Variants in DAGLB observed in about 807,000 individuals in gnomAD.
DAGLB encodes diacylglycerol lipase beta.
A neutral mutation model predicts 72.1 loss-of-function variants in DAGLB; 66 were observed. The observed-to-expected ratio is 0.92, with a 90% CI of 0.75 to 1.12. The LOEUF (loss-of-function observed/expected upper bound fraction) is 1.12, where lower values mean the gene tolerates loss of function less well. Ranked by LOEUF, DAGLB falls within the 50% of genes most tolerant of loss-of-function variation. The probability of loss-of-function intolerance (pLI) is 0.00; values close to 1 mark genes in which losing one functional copy is unlikely to be tolerated. For synonymous variants in DAGLB, 414 were observed against 359.5 expected (o/e 1.15, Z -1.71); for missense variants, 1,065 against 884.9 (o/e 1.20, Z -2.58).
chr7:6,422,188 C>T (rs1784150330), intron 8 of DAGLB: 3 of 357,882 alleles, frequency 8.4e-6, no homozygotes, highest in South Asian at 4.2e-5. Context: ...AGGAGGAGGC[C>T]TAGACTAGCA....
At chr7:6,415,308 T>C (rs1458049774) in intron 11 of DAGLB, among the ~76,000 whole-genome samples, 1 of 152,012 alleles carries the variant, frequency 6.6e-6, no homozygotes, top group East Asian at 1.9e-4. Flanking sequence ...ACTTATACAT[T>C]CTCCTGTTTT....
At chr7:6,411,474 T>C (rs929404590) in intron 13 of DAGLB, among the ~76,000 whole-genome samples, 2 of 152,102 alleles carry the variant, frequency 1.3e-5, no homozygotes, top group Non-Finnish European at 2.9e-5. Context: ...ATACAAAAAT[T>C]AGCCAGGTGT....
intron 5 of DAGLB, among the ~76,000 whole-genome samples, chr7:6,431,913 A>AG (rs1784498656): frequency 6.6e-6 from 1 of 152,152 alleles, no homozygotes; most frequent in African/African-American, 2.4e-5. Flanking sequence ...TCAGATTCCA[A>AG]CCCTGCTGCT....
intron 4 of DAGLB, among the ~76,000 whole-genome samples, chr7:6,433,258 G>A (rs1447030553): frequency 6.6e-6 from 1 of 152,146 alleles, no homozygotes; most frequent in Non-Finnish European, 1.5e-5. Flanking sequence ...TTTGTAAAGT[G>A]GAGAAATCAA....
In DAGLB at chr7:6,410,120, C is replaced by CCACA; in HGVS notation, c.1820+9_1820+10insTGTG. ...CTGCCTGCCCACCACACCCACCACG[C>CCACA]CGCACTCACCGCCCCGAGGCGCCCT... On this transcript the variant is annotated intron_variant, in intron 14 of 14. Transcript: ENST00000297056. 6.4e-7 allele frequency: 1 copy of CCACA among 1,574,326 alleles called. No homozygotes were observed.
At chr7:6,423,111 G>T (rs1215351823) in intron 8 of DAGLB, among the ~76,000 whole-genome samples, 1 of 152,144 alleles carries the variant, frequency 6.6e-6, no homozygotes, top group Non-Finnish European at 1.5e-5. Flanking sequence ...AATTAGCTGG[G>T]TGTAGTGGCA....
chr7:6,410,878 GTATTTTTT>G (rs1783700711), intron 13 of DAGLB, among the ~76,000 whole-genome samples: 1 of 112,770 alleles, frequency 8.9e-6, no homozygotes, highest in African/African-American at 3.6e-5. Flanking sequence ...CTAATTTTTT[GTATTTTTT>G]TTTTTTTTTT....
At chr7:6,442,050 T>C (rs1052722736) in intron 2 of DAGLB, among the ~76,000 whole-genome samples, 5 of 152,060 alleles carry the variant, frequency 3.3e-5, no homozygotes, top group African/African-American at 1.2e-4. Flanking sequence ...TAAATGGCTT[T>C]TGGATCCTTC....
At position 6,416,720 on chromosome 7, in the gene DAGLB, C is replaced by G; in HGVS notation, c.1334G>C (p.Gly445Ala). ...YRLVIVGHSL[G>A]GGAAALLATM... ...GGCCAGCAGGGCGGCCGCCCCGCCC[C>G]CGAGGCTGTGGCCCACTATGACCAG... is the stretch of plus-strand genomic sequence containing the variant. The change falls in exon 11 of 15, where the codon GGG becomes GCG. Residue 445 changes from glycine (G) to alanine (A), a missense_variant. Coordinates refer to ENST00000297056, the MANE Select transcript of DAGLB (RefSeq NM_139179.4). The G allele has an allele frequency of 6.2e-7, 1 of 1,613,666 alleles. No individual in the cohort carries two copies. The highest frequency in any genetic ancestry group is 2.2e-5 in the East Asian group (1 of 44,864).
chr7:6,446,259 G>A (rs1035744247), intron 1 of DAGLB, among the ~76,000 whole-genome samples, 155 bp from the exon 2 acceptor site: 2 of 150,184 alleles, frequency 1.3e-5, no homozygotes, highest in African/African-American at 4.9e-5. Context: ...ACAAGGTCAG[G>A]AGATCGAGAC....
chr7:6,426,935 CCACCT>C (rs1438886799), intron 6 of DAGLB, among the ~76,000 whole-genome samples: 2 of 152,158 alleles, frequency 1.3e-5, no homozygotes, highest in Non-Finnish European at 2.9e-5. Context: ...TGCTGGAACC[CCACCT>C]CTACTAAAAA....
chr7:6,418,985 T>C (rs1400625337), intron 9 of DAGLB, among the ~76,000 whole-genome samples: 1 of 151,902 alleles, frequency 6.6e-6, no homozygotes, highest in African/African-American at 2.4e-5. Context: ...TTTCTAAGAA[T>C]TAAATAATTC....
intron 9 of DAGLB, among the ~76,000 whole-genome samples, chr7:6,418,727 C>T (rs1784002351): frequency 6.6e-6 from 1 of 151,652 alleles, no homozygotes; most frequent in Admixed American, 6.6e-5. Flanking sequence ...TTCAGTGGCT[C>T]GATCTCGGCT....
chr7:6,432,322 C>A (rs1243703259), intron 5 of DAGLB, among the ~76,000 whole-genome samples: 2 of 148,636 alleles, frequency 1.3e-5, no homozygotes, highest in Admixed American at 6.8e-5. Context: ...CCAGCCCGAG[C>A]AACAAGAGCA....
At chr7:6,420,550 G>C (rs770672339) in intron 9 of DAGLB, among the ~76,000 whole-genome samples, 3 of 152,210 alleles carry the variant, frequency 2.0e-5, no homozygotes, top group Non-Finnish European at 4.4e-5. Context: ...GTAGAACAGA[G>C]GTTCCCAGAG....
chr7:6,435,947 G>A (rs558946412), intron 3 of DAGLB, among the ~76,000 whole-genome samples: 8 of 152,120 alleles, frequency 5.3e-5, no homozygotes, highest in Non-Finnish European at 1.0e-4. Context: ...TATTGTTCTA[G>A]AATATTATTC....
chr7:6,436,244 C>A, intron 3 of DAGLB, 118 bp downstream of exon 3: 1 of 1,316,076 alleles, frequency 7.6e-7, no homozygotes, highest in Non-Finnish European at 1.0e-6. Flanking sequence ...GAAACTAACT[C>A]CAATTTCTAA....
At position 6,410,399 on chromosome 7, in the gene DAGLB, C is replaced by T; in HGVS notation, c.1570-19G>A. The T allele has an allele frequency of 6.3e-7, 1 of 1,581,876 alleles. No individual in the cohort carries two copies. The highest frequency in any genetic ancestry group is 8.6e-7 in the Non-Finnish European group (1 of 1,159,724). ...TCTTGTACTGAGGGCGAGACCCAAT[C>T]AGTAGAATGCTGTCACTCACCCTCT... is the stretch of plus-strand genomic sequence containing the variant. On this transcript the variant is annotated intron_variant, in intron 13 of 14. Transcript: ENST00000297056.
At chr7:6,424,903 C>G (rs1562482964) in intron 7 of DAGLB, 68 bp from the exon 8 acceptor site, 2 of 1,514,092 alleles carry the variant, frequency 1.3e-6, no homozygotes, top group Non-Finnish European at 1.8e-6. Flanking sequence ...AAAGTCGGAG[C>G]CCTGCAGTGT....
Sources: gnomAD v4.1 joint callset for allele counts (sites outside exome capture counted in the v4.1 genomes callset) on GRCh38, gnomAD v4.1.1 for gene constraint, MANE v1.5 for transcripts, NCBI Gene and HGNC (gene_info 2026-07-23, HGNC 2026-07-21) for gene names.